MAPKAPK2: variants seen among roughly 807,000 people sequenced by gnomAD.
The protein encoded by MAPKAPK2 is MAPK activated protein kinase 2.
Under a neutral mutation model 48.8 loss-of-function variants are expected in MAPKAPK2, and 9 were observed. The observed-to-expected ratio is 0.18, with a 90% CI of 0.11 to 0.32. MAPKAPK2 has a LOEUF of 0.32. Among genes scored for constraint, MAPKAPK2 ranks in the 10% least tolerant of loss-of-function variants. MAPKAPK2 has a pLI of 1.00. For missense variants in MAPKAPK2, 331 were observed against 498.3 expected (o/e 0.66, Z 3.20); for synonymous variants, 202 against 190.6 (o/e 1.06, Z -0.49).
At chr1:206,728,572 C>A in intron 1 of MAPKAPK2, 138 bp from the exon 2 acceptor site, 1 of 913,062 alleles carries the variant, frequency 1.1e-6, no homozygotes, top group Non-Finnish European at 1.6e-6. Context: ...AGGAAATGTG[C>A]CAAGGGGGCT....
At chr1:206,705,941 A>G (rs1218467255) in intron 1 of MAPKAPK2, among the ~76,000 whole-genome samples, 2 of 152,056 alleles carry the variant, frequency 1.3e-5, no homozygotes, top group African/African-American at 4.8e-5. Flanking sequence ...GAATTCCCGG[A>G]GCCTGTTGCA....
At chr1:206,693,871 T>A (rs1672531473) in intron 1 of MAPKAPK2, among the ~76,000 whole-genome samples, 2 of 152,186 alleles carry the variant, frequency 1.3e-5, no homozygotes, top group South Asian at 4.1e-4. Flanking sequence ...GCTCTCAGGA[T>A]CTCCTTCCTG....
intron 1 of MAPKAPK2, among the ~76,000 whole-genome samples, chr1:206,690,315 A>C (rs782639645): frequency 3.9e-5 from 6 of 152,182 alleles, no homozygotes; most frequent in Non-Finnish European, 8.8e-5. Flanking sequence ...CTTGGCATCC[A>C]CTGAGGCAAG....
intron 4 of MAPKAPK2, 87 bp from the exon 5 acceptor site, chr1:206,729,885 G>C: frequency 6.5e-7 from 1 of 1,542,700 alleles, no homozygotes; most frequent in Admixed American, 1.7e-5. Flanking sequence ...GATGAGTAGA[G>C]GAAGGGAGGA....
chr1:206,730,007 C>T lies in MAPKAPK2; in HGVS notation c.600C>T (p.Asn200=), dbSNP rs375671223. Residue 200 remains asparagine (N), a synonymous_variant, in exon 5 of 10, where the codon AAC becomes AAT. Transcript: ENST00000367103. ...TCTTATACACCTCCAAAAGGCCCAA[C>T]GCCATCCTGAAACTCACTGACTTTG... The part of the protein sequence containing the change: ...ENLLYTSKRP[N]AILKLTDFGF... 81 of 1,614,140 alleles carry T rather than the reference C, an allele frequency of 5.0e-5. No individual in the cohort carries two copies. The highest frequency in any genetic ancestry group is 2.5e-4 in the African/African-American group (19 of 74,948).
chr1:206,703,070 G>A (rs1447834060), intron 1 of MAPKAPK2, among the ~76,000 whole-genome samples: 6 of 152,152 alleles, frequency 3.9e-5, no homozygotes, highest in African/African-American at 1.4e-4. Context: ...TACTTGGCTT[G>A]ATATCCCCAA....
At chr1:206,693,486 C>G (rs1383917313) in intron 1 of MAPKAPK2, among the ~76,000 whole-genome samples, 2 of 152,174 alleles carry the variant, frequency 1.3e-5, no homozygotes, top group African/African-American at 4.8e-5. Flanking sequence ...CTCCGTGAAG[C>G]TGTCCTGCTT....
In MAPKAPK2 at chr1:206,704,973, A is replaced by C. The variant is rs1346083343; in HGVS notation, c.279+19465A>C. Among the ~76,000 whole-genome samples the C allele has an allele frequency of 2.0e-5, 3 of 152,182 alleles. No homozygotes were observed. Among genetic ancestry groups the C allele is most frequent in the African/African-American group, 7.2e-5 (3 of 41,452 alleles). ...GAACAGTCTGCAATGCACATTACTG[A>C]ATTAAAAGCTCTGAGAAGTTCTACA... On this transcript the variant is annotated intron_variant, in intron 1 of 9. Transcript: ENST00000367103. The surrounding 1 kb of genome is among the most constrained non-coding windows in gnomAD (Gnocchi z 4.3).
intron 1 of MAPKAPK2, among the ~76,000 whole-genome samples, chr1:206,699,565 G>A (rs1036438945): frequency 6.6e-6 from 1 of 152,202 alleles, no homozygotes; most frequent in African/African-American, 2.4e-5. Flanking sequence ...GTGAACCAAC[G>A]CATCACATAG....
At chr1:206,695,532 C>T (rs906051763) in intron 1 of MAPKAPK2, among the ~76,000 whole-genome samples, 8 of 146,656 alleles carry the variant, frequency 5.5e-5, no homozygotes, top group African/African-American at 2.0e-4. Context: ...TTTAACAGAA[C>T]TGTGCTTTCC....
At chr1:206,692,479 C>G (rs938362139) in intron 1 of MAPKAPK2, among the ~76,000 whole-genome samples, 1 of 152,210 alleles carries the variant, frequency 6.6e-6, no homozygotes, top group African/African-American at 2.4e-5. Flanking sequence ...GCTGTTTCAG[C>G]CCCGGAGGTT....
chr1:206,695,982 A>G (rs760850407), intron 1 of MAPKAPK2: 9 of 742,370 alleles, frequency 1.2e-5, no homozygotes, highest in Non-Finnish European at 2.3e-5. Flanking sequence ...ACTTCCTCCT[A>G]TGGCTCGGAG....
intron 1 of MAPKAPK2, among the ~76,000 whole-genome samples, chr1:206,724,105 CT>C (rs1361969899): frequency 6.6e-6 from 1 of 152,224 alleles, no homozygotes; most frequent in Non-Finnish European, 1.5e-5. Context: ...TGGGAAGACC[CT>C]TCCTTCTTCT....
At chr1:206,687,883 G>C (rs1312747884) in intron 1 of MAPKAPK2, among the ~76,000 whole-genome samples, 1 of 152,226 alleles carries the variant, frequency 6.6e-6, no homozygotes, top group African/African-American at 2.4e-5. Flanking sequence ...GGCTAGGGCA[G>C]AGCTGGAGGG....
chr1:206,688,882 C>T (rs1408748713), intron 1 of MAPKAPK2, among the ~76,000 whole-genome samples: 1 of 152,184 alleles, frequency 6.6e-6, no homozygotes, highest in African/African-American at 2.4e-5. Context: ...GATCTGCCTG[C>T]CTCAGCCTGC....
chr1:206,728,520 A>G (rs1673782404), intron 1 of MAPKAPK2, among the ~76,000 whole-genome samples, 190 bp from the exon 2 acceptor site: 1 of 150,188 alleles, frequency 6.7e-6, no homozygotes, highest in Non-Finnish European at 1.5e-5. Context: ...GAGAGTCATC[A>G]TGAGATTTCA....
intron 1 of MAPKAPK2, among the ~76,000 whole-genome samples, chr1:206,686,918 A>T (rs1226151351): frequency 6.6e-6 from 1 of 152,018 alleles, no homozygotes; most frequent in African/African-American, 2.4e-5. Flanking sequence ...AGAGGGGATA[A>T]GTATCTTCAA....
In MAPKAPK2 at chr1:206,732,061, C is replaced by T. The variant is rs781947422; in HGVS notation, c.1059+142C>T. Reference sequence around the variant, plus strand: ...AGGGGTGTCTTCATGACAAGAACAGCGACCAGGCCACTTGGCTGACCAGGT... The same window carrying T: ...AGGGGTGTCTTCATGACAAGAACAGTGACCAGGCCACTTGGCTGACCAGGT... On this transcript the variant is annotated intron_variant, in intron 9 of 9. Coordinates refer to ENST00000367103, the MANE Select transcript of MAPKAPK2 (RefSeq NM_032960.4). The surrounding 1 kb of genome is among the most constrained non-coding windows in gnomAD (Gnocchi z 4.4). 1.1e-5 allele frequency: 18 copies of T among 1,614,024 alleles called. No individual in the cohort carries two copies. The highest frequency in any genetic ancestry group is 6.7e-5 in the East Asian group (3 of 44,896).
Position 206,702,354 on chromosome 1 carries a change from C to T in MAPKAPK2, c.279+16846C>T, listed in dbSNP as rs905860580. ...CCCTGCCACTCCAAGTCATGGCATG[C>T]GTCAGAGTGCTTGATCTGCCAAGGG... On this transcript the variant is annotated intron_variant, in intron 1 of 9. Coordinates refer to ENST00000367103, the MANE Select transcript of MAPKAPK2 (RefSeq NM_032960.4). 4.6e-5 allele frequency among the ~76,000 whole-genome samples: 7 copies of T among 152,190 alleles called. No individual in the cohort carries two copies. The East Asian group carries it at 7.7e-4, about 17-fold the overall frequency.
Sources: allele counts gnomAD v4.1 joint callset (sites outside exome capture counted in the v4.1 genomes callset), GRCh38; gene constraint gnomAD v4.1.1; non-coding constraint Gnocchi (gnomAD v3.1); transcripts MANE v1.5; gene names NCBI Gene and HGNC (gene_info 2026-07-23, HGNC 2026-07-21).